CHKA: variants seen among roughly 807,000 people sequenced by gnomAD.
CHKA encodes choline kinase alpha, also known as CHETK-alpha.
CHKA carries 34 observed loss-of-function variants against 60.1 expected under a neutral mutation model. That is an observed-to-expected ratio of 0.57 (90% CI 0.43 to 0.75). The LOEUF (loss-of-function observed/expected upper bound fraction) is 0.75. Among genes scored for constraint, CHKA ranks in the 30% least tolerant of loss-of-function variants. The pLI, the probability that CHKA is intolerant of heterozygous loss-of-function variation, is 0.00. For missense variants in CHKA, 563 were observed against 561.3 expected (o/e 1.00, Z -0.03); for synonymous variants, 217 against 223.1 (o/e 0.97, Z 0.24).
chr11:68,104,002 G>A (rs1857821061), intron 1 of CHKA, among the ~76,000 whole-genome samples: 1 of 152,090 alleles, frequency 6.6e-6, no homozygotes, highest in Non-Finnish European at 1.5e-5. Context: ...CAGAGGAAAT[G>A]AAATCAGTAC....
intron 7 of CHKA, among the ~76,000 whole-genome samples, chr11:68,068,147 C>T (rs1322913903): frequency 6.6e-6 from 1 of 152,170 alleles, no homozygotes; most frequent in Non-Finnish European, 1.5e-5. Flanking sequence ...TAATTAATAG[C>T]ACAGTGCACT....
At chr11:68,095,253 AT>A (rs1857460625) in intron 2 of CHKA, among the ~76,000 whole-genome samples, 1 of 151,230 alleles carries the variant, frequency 6.6e-6, no homozygotes, top group Non-Finnish European at 1.5e-5. Flanking sequence ...AAATACAAAA[AT>A]TAGCCAGGCG....
At chr11:68,077,393 G>A (rs1164384284) in intron 3 of CHKA, among the ~76,000 whole-genome samples, 3 of 152,196 alleles carry the variant, frequency 2.0e-5, no homozygotes, top group Admixed American at 1.3e-4. Context: ...TCCTGAAAGT[G>A]AGCATGGTAA....
chr11:68,067,137 A>C (rs1225384495), intron 7 of CHKA, among the ~76,000 whole-genome samples: 1 of 152,142 alleles, frequency 6.6e-6, no homozygotes, highest in Non-Finnish European at 1.5e-5. Flanking sequence ...TGCGTTCCTG[A>C]GATCCCCACA....
chr11:68,070,854 G>A lies in CHKA; in HGVS notation c.634C>T (p.Arg212Trp), dbSNP rs761582548. The A allele has an allele frequency of 3.7e-6, 6 of 1,603,738 alleles. No homozygotes were observed. The highest frequency in any genetic ancestry group is 1.1e-5 in the South Asian group (1 of 89,902). Residue 212 changes from arginine to tryptophan, a missense_variant, in exon 5 of 12, where the codon CGG (arginine) becomes TGG (tryptophan). Coordinates refer to ENST00000265689, the MANE Select transcript of CHKA (RefSeq NM_001277.3). ...CTTAATTCTTCAGTATCTAATCGCC[G>A]GCTCTGAAAAAGAAAAGGGAGTTAA... The part of the protein sequence containing the change: ...QGRLEQFIPS[R>W]RLDTEELSLP...
intron 2 of CHKA, among the ~76,000 whole-genome samples, chr11:68,090,939 C>T (rs540970697): frequency 6.6e-6 from 1 of 152,284 alleles, no homozygotes; most frequent in East Asian, 1.9e-4. Flanking sequence ...CTGAGACTTC[C>T]GCCAACTGGC....
intron 1 of CHKA, among the ~76,000 whole-genome samples, chr11:68,108,675 C>T (rs1858012781): frequency 6.6e-6 from 1 of 152,050 alleles, no homozygotes; most frequent in Non-Finnish European, 1.5e-5. Flanking sequence ...ACCTGGGAGG[C>T]GGAGCTTGCA....
rs999364183 is a variant in CHKA, at chr11:68,072,532, T to C, written c.631-1675A>G. On this transcript the variant is annotated intron_variant, in intron 4 of 11. Coordinates refer to ENST00000265689, the MANE Select transcript of CHKA (RefSeq NM_001277.3). The stretch of plus-strand genomic sequence containing the variant: ...ACTTATACTTCACTATACTGGGCAA[T>C]AGAGTGAGACCCTATCTTAAAAAAA... Among the ~76,000 whole-genome samples the C allele has an allele frequency of 3.4e-5, 4 of 118,392 alleles. 1 individual carries two copies. Among genetic ancestry groups the C allele is most frequent in the African/African-American group, 1.3e-4 (4 of 30,134 alleles). 77.7% of individuals were successfully genotyped at this position (118,392 alleles called of 152,430 possible). A position where few individuals can be genotyped will look rare whatever the true frequency, so the allele number is the denominator to read the frequency against.
intron 1 of CHKA, among the ~76,000 whole-genome samples, chr11:68,109,032 C>T (rs1039187034): frequency 6.6e-6 from 1 of 151,896 alleles, no homozygotes; most frequent in South Asian, 2.1e-4. Flanking sequence ...GGAAAAAATC[C>T]CTTCATGCTT....
At chr11:68,109,384 C>T (rs1460790630) in intron 1 of CHKA, among the ~76,000 whole-genome samples, 3 of 152,084 alleles carry the variant, frequency 2.0e-5, no homozygotes, top group Admixed American at 6.6e-5. Context: ...CCACCGAGCC[C>T]GGCCTCTTAT....
At position 68,113,081 on chromosome 11, in the gene CHKA, CAAAAAAA is replaced by C. The variant is rs71040587; in HGVS notation, c.350+7740_350+7746del. Among the ~76,000 whole-genome samples the C allele has an allele frequency of 3.0e-3, 43 of 14,528 alleles. No individual in the cohort carries two copies. The East Asian group carries it at 0.063, about 21-fold the overall frequency. 9.5% of individuals were successfully genotyped at this position (14,528 alleles called of 152,430 possible). On this transcript the variant is annotated intron_variant, in intron 1 of 11. Transcript: ENST00000265689. ...TGGGCAACAGAGCAAGACTCCGTCTCAAAAAAAAAAAAAAAAAAAAAAAAAAAAAGAA... is the reference window on the plus strand; with the variant it reads ...TGGGCAACAGAGCAAGACTCCGTCTCAAAAAAAAAAAAAAAAAAAAAAGAA...
chr11:68,111,149 T>G (rs938293109), intron 1 of CHKA, among the ~76,000 whole-genome samples: 1 of 151,998 alleles, frequency 6.6e-6, no homozygotes, highest in Non-Finnish European at 1.5e-5. Context: ...CGGTGGCTCA[T>G]GCCTCTAATC....
chr11:68,099,547 C>A (rs943242383), intron 1 of CHKA, among the ~76,000 whole-genome samples: 1 of 152,148 alleles, frequency 6.6e-6, no homozygotes, highest in Non-Finnish European at 1.5e-5. Flanking sequence ...AAAGGGAACC[C>A]AAAGTTCTTG....
intron 2 of CHKA, among the ~76,000 whole-genome samples, chr11:68,086,362 G>C (rs1857177664): frequency 1.3e-5 from 2 of 152,178 alleles, no homozygotes; most frequent in South Asian, 2.1e-4. Flanking sequence ...ACAACTCCAG[G>C]ACCAAGGAGG....
At chr11:68,093,622 T>C (rs1857417672) in intron 2 of CHKA, among the ~76,000 whole-genome samples, 2 of 152,254 alleles carry the variant, frequency 1.3e-5, no homozygotes, top group Non-Finnish European at 2.9e-5. Context: ...ACATTTCTAC[T>C]GTATTTAACT....
intron 1 of CHKA, among the ~76,000 whole-genome samples, chr11:68,119,696 C>T (rs1026063710): frequency 6.6e-6 from 1 of 152,074 alleles, no homozygotes; most frequent in Non-Finnish European, 1.5e-5. Context: ...TCTCGATCTC[C>T]CGACCTCGTG....
At chr11:68,060,042 T>TTTTTTTTTTTTTG (rs1412983156) in intron 11 of CHKA, among the ~76,000 whole-genome samples, 1 of 150,586 alleles carries the variant, frequency 6.6e-6, no homozygotes, top group African/African-American at 2.4e-5. Flanking sequence ...CTTTTTTTTT[T>TTTTTTTTTTTTTG]GAGACCCAGA....
intron 2 of CHKA, among the ~76,000 whole-genome samples, chr11:68,084,372 GTATATGTGTATA>G (rs1857102567): frequency 8.0e-6 from 1 of 124,848 alleles, no homozygotes; most frequent in Non-Finnish European, 1.7e-5. Flanking sequence ...ACATATATAC[GTATATGTGTATA>G]TATATACACA....
At chr11:68,109,056 G>A (rs1187639656) in intron 1 of CHKA, among the ~76,000 whole-genome samples, 2 of 151,774 alleles carry the variant, frequency 1.3e-5, no homozygotes, top group African/African-American at 4.8e-5. Flanking sequence ...GCAGAGGGAG[G>A]GGCAAAGAAA....
Sources: gnomAD v4.1 joint callset for allele counts (sites outside exome capture counted in the v4.1 genomes callset) on GRCh38, gnomAD v4.1.1 for gene constraint, MANE v1.5 for transcripts, NCBI Gene and HGNC (gene_info 2026-07-23, HGNC 2026-07-21) for gene names.